B3GLCT: variants seen among roughly 807,000 people sequenced by gnomAD.
The protein encoded by B3GLCT is beta-1,3-glucosyltransferase.
B3GLCT carries 65 observed loss-of-function variants against 63.4 expected under a neutral mutation model. The ratio of observed to expected loss-of-function variants is 1.03; its 90% CI spans 0.84 to 1.26. The LOEUF (loss-of-function observed/expected upper bound fraction) is 1.26, where lower values mean the gene tolerates loss of function less well. Ranked by LOEUF, B3GLCT falls within the 50% of genes most tolerant of loss-of-function variation. B3GLCT has a pLI of 0.00. For missense variants in B3GLCT, 577 were observed against 604.8 expected (o/e 0.95, Z 0.48); for synonymous variants, 233 against 219.2 (o/e 1.06, Z -0.55).
At chr13:31,211,793 A>G (rs1247410932) in intron 1 of B3GLCT, among the ~76,000 whole-genome samples, 1 of 152,222 alleles carries the variant, frequency 6.6e-6, no homozygotes, top group Non-Finnish European at 1.5e-5. Flanking sequence ...TTACATCATC[A>G]AATATTAGCT....
intron 6 of B3GLCT, among the ~76,000 whole-genome samples, chr13:31,248,775 C>T (rs1871302678): frequency 6.6e-6 from 1 of 152,146 alleles, no homozygotes; most frequent in Non-Finnish European, 1.5e-5. Flanking sequence ...CCTTGAAATC[C>T]CTAGCCCTTA....
intron 10 of B3GLCT, among the ~76,000 whole-genome samples, chr13:31,280,367 G>A (rs1348013464): frequency 6.6e-6 from 1 of 152,164 alleles, no homozygotes; most frequent in African/African-American, 2.4e-5. Flanking sequence ...TCCGTTTGGG[G>A]TCCCTGACTT....
chr13:31,328,893 T>C (rs1875772710), intron 14 of B3GLCT, among the ~76,000 whole-genome samples: 1 of 152,194 alleles, frequency 6.6e-6, no homozygotes, highest in African/African-American at 2.4e-5. Context: ...ATATAAAAAC[T>C]TTTTAGGTCC....
chr13:31,209,112 G>A (rs1869131314), intron 1 of B3GLCT, among the ~76,000 whole-genome samples: 2 of 152,208 alleles, frequency 1.3e-5, no homozygotes, highest in South Asian at 2.1e-4. Context: ...AAAAACGTAC[G>A]GAGTGACAGG....
intron 8 of B3GLCT, among the ~76,000 whole-genome samples, chr13:31,270,183 T>C (rs1872520690): frequency 6.6e-6 from 1 of 152,222 alleles, no homozygotes; most frequent in Non-Finnish European, 1.5e-5. Context: ...GCATTTCACT[T>C]GTGGGCATGC....
At chr13:31,215,753 C>T (rs1183177732) in intron 2 of B3GLCT, among the ~76,000 whole-genome samples, 1 of 152,134 alleles carries the variant, frequency 6.6e-6, no homozygotes, top group East Asian at 1.9e-4. Context: ...TTAATTTTCT[C>T]AGTCTATGAA....
At chr13:31,298,327 T>C (rs1874057205) in intron 12 of B3GLCT, among the ~76,000 whole-genome samples, 1 of 152,200 alleles carries the variant, frequency 6.6e-6, no homozygotes, top group Non-Finnish European at 1.5e-5. Flanking sequence ...TCAAAAGATA[T>C]TGCCACATTA....
At position 31,274,391 on chromosome 13, in the gene B3GLCT, T is replaced by C. The variant is rs540079462; in HGVS notation, c.661-118T>C. On this transcript the variant is annotated intron_variant, in intron 8 of 14. Transcript: ENST00000343307. ...CCTGTTGAATACTGACAAATTGATA[T>C]GGTTCAGCCTACTCTCTATGGAAGA... The C allele has an allele frequency of 3.8e-6, 5 of 1,311,172 alleles. No homozygotes were observed. The South Asian group carries it at 4.8e-5, about 13-fold the overall frequency. The allele number at this position is 1,311,172 out of a possible 1,614,324, so 81.2% of individuals were successfully genotyped here. A position where few individuals can be genotyped will look rare whatever the true frequency, so the allele number is the denominator to read the frequency against.
At chr13:31,205,208 CATTAT>C (rs1404848259) in intron 1 of B3GLCT, among the ~76,000 whole-genome samples, 45 of 144,946 alleles carry the variant, frequency 3.1e-4, no homozygotes. Flanking sequence ...TTTGGGGGGT[CATTAT>C]ATTAGGTGGC....
At chr13:31,249,102 A>G (rs11147458) in intron 6 of B3GLCT, among the ~76,000 whole-genome samples, 36,866 of 152,106 alleles carry the variant, frequency 0.24, 5,461 homozygotes, top group Admixed American at 0.35. Context: ...TAATGAGCTC[A>G]TGGGGAATAA....
At position 31,323,880 on chromosome 13, in the gene B3GLCT, C is replaced by T; in HGVS notation, c.1314C>T (p.Ser438=). 1 of 1,614,180 alleles carries T rather than the reference C, an allele frequency of 6.2e-7. No individual in the cohort carries two copies. The highest frequency in any genetic ancestry group is 2.2e-5 in the East Asian group (1 of 44,880). ...GCTTGGGAATCCCTGTGACACACAG[C>T]CCTCTCTTCCATCAGGTGAGGAAAT... ...FSGLGIPVTH[S]PLFHQARPVD... Residue 438 remains serine (S), a synonymous_variant, in exon 14 of 15, where the codon AGC becomes AGT. Coordinates refer to ENST00000343307, the MANE Select transcript of B3GLCT (RefSeq NM_194318.4).
chr13:31,262,958 T>C (rs1021434925), intron 7 of B3GLCT, among the ~76,000 whole-genome samples: 1 of 152,208 alleles, frequency 6.6e-6, no homozygotes, highest in African/African-American at 2.4e-5. Context: ...CCATTTCCCA[T>C]GTGCTATGAA....
At position 31,247,073 on chromosome 13, in the gene B3GLCT, A is replaced by G. The variant is rs770487360; in HGVS notation, c.321A>G (p.Ala107=). Residue 107 remains alanine, a synonymous_variant, in exon 5 of 15, where the codon GCA becomes GCG. Coordinates refer to ENST00000343307, the MANE Select transcript of B3GLCT (RefSeq NM_194318.4). The part of the protein sequence containing the change: ...LLHQLAKQEG[A]WTILPLLPHF... ...ATCAGCTGGCTAAACAAGAAGGTGC[A>G]TGGACCATACTTCCGTTGTTACCGC... 3.7e-6 allele frequency: 6 copies of G among 1,613,328 alleles called. No individual in the cohort carries two copies. Among genetic ancestry groups the G allele is most frequent in the Non-Finnish European group, 4.2e-6 (5 of 1,179,808 alleles).
At chr13:31,240,972 G>A (rs149210573) in intron 4 of B3GLCT, among the ~76,000 whole-genome samples, 1 of 151,998 alleles carries the variant, frequency 6.6e-6, no homozygotes, top group South Asian at 2.1e-4. Context: ...AAATAATACT[G>A]TCCTTTTTCA....
chr13:31,255,399 G>A lies in B3GLCT; in HGVS notation c.460-5547G>A, dbSNP rs540344254. ...GACCAAGGTAATTTATAGATTCAGTGCTATCCTCATCAAGCTACCATTGAC... is the reference window on the plus strand; with the variant it reads ...GACCAAGGTAATTTATAGATTCAGTACTATCCTCATCAAGCTACCATTGAC... On this transcript the variant is annotated intron_variant, in intron 6 of 14. Transcript: ENST00000343307. 2.6e-4 allele frequency among the ~76,000 whole-genome samples: 40 copies of A among 152,244 alleles called. No individual in the cohort carries two copies. The South Asian group carries it at 8.1e-3, about 31-fold the overall frequency.
At chr13:31,309,030 T>G (rs188134533) in intron 12 of B3GLCT, among the ~76,000 whole-genome samples, 1 of 152,338 alleles carries the variant, frequency 6.6e-6, no homozygotes, top group East Asian at 1.9e-4. Context: ...ATGCATCCGG[T>G]GAACCAATTC....
chr13:31,284,606 G>A (rs1193750493), intron 10 of B3GLCT, 42 bp from the exon 11 acceptor site: 1 of 1,081,818 alleles, frequency 9.2e-7, no homozygotes, highest in East Asian at 2.4e-5. Flanking sequence ...AAGCTTCCTT[G>A]TGTAACTGTG....
chr13:31,213,624 C>CCCCCCCCCCCCCCCCCCCCCCCCCCCCA (rs1555244560), intron 1 of B3GLCT, among the ~76,000 whole-genome samples: 1 of 73,024 alleles, frequency 1.4e-5, no homozygotes, highest in Non-Finnish European at 3.1e-5. Flanking sequence ...CCACCCCACC[C>CCCCCCCCCCCCCCCCCCCCCCCCCCCCA]CCCCCCCCCG....
intron 4 of B3GLCT, among the ~76,000 whole-genome samples, chr13:31,233,268 GA>G (rs946170516): frequency 6.6e-6 from 1 of 151,624 alleles, no homozygotes; most frequent in African/African-American, 2.4e-5. Context: ...AAGAAGAGTA[GA>G]AAAAAAATTA....
Sources: gnomAD v4.1 joint callset for allele counts (sites outside exome capture counted in the v4.1 genomes callset) on GRCh38, gnomAD v4.1.1 for gene constraint, MANE v1.5 for transcripts, NCBI Gene and HGNC (gene_info 2026-07-23, HGNC 2026-07-21) for gene names.